The following CAMK4 variants were observed in gnomAD, a reference collection of about 807,000 sequenced individuals.
CAMK4 encodes the protein calcium/calmodulin-dependent protein kinase type IV.
CAMK4 carries 22 observed loss-of-function variants against 44.9 expected under a neutral mutation model. The observed-to-expected ratio is 0.49, with a 90% CI of 0.35 to 0.70. The LOEUF (loss-of-function observed/expected upper bound fraction) is 0.70. Ranked by LOEUF, CAMK4 falls within the 30% of genes least tolerant of loss-of-function variation. The pLI, the probability that CAMK4 is intolerant of heterozygous loss-of-function variation, is 0.01. For synonymous variants in CAMK4, 218 were observed against 215.4 expected (o/e 1.01, Z -0.11); for missense variants, 498 against 586.8 (o/e 0.85, Z 1.56).
At chr5:111,257,190 A>T (rs768583514) in intron 1 of CAMK4, among the ~76,000 whole-genome samples, 1 of 152,222 alleles carries the variant, frequency 6.6e-6, no homozygotes, top group Non-Finnish European at 1.5e-5. Flanking sequence ...ACAGCAAAAG[A>T]ATCTGTTATC....
intron 5 of CAMK4, among the ~76,000 whole-genome samples, chr5:111,444,254 G>T (rs6862661): frequency 0.41 from 62,596 of 152,028 alleles, 13,876 homozygotes; most frequent in Middle Eastern, 0.57. Context: ...GCCTCTTTGT[G>T]CCTCAGTTTC....
At chr5:111,271,420 G>A (rs1039026271) in intron 1 of CAMK4, among the ~76,000 whole-genome samples, 1 of 152,214 alleles carries the variant, frequency 6.6e-6, no homozygotes, top group Admixed American at 6.5e-5. Context: ...AACATGGTGC[G>A]CTTCAAGGCA....
At chr5:111,399,726 A>C (rs901796853) in intron 5 of CAMK4, among the ~76,000 whole-genome samples, 5 of 152,176 alleles carry the variant, frequency 3.3e-5, no homozygotes, top group Non-Finnish European at 7.4e-5. Context: ...TACTTTTGTG[A>C]ATGAGATTCT....
chr5:111,312,890 C>T (rs73786891), intron 1 of CAMK4, among the ~76,000 whole-genome samples: 5 of 152,188 alleles, frequency 3.3e-5, no homozygotes, highest in South Asian at 2.1e-4. Flanking sequence ...CGTTTTAATG[C>T]GGCCCTCCTT....
At chr5:111,469,855 A>G (rs552419772) in intron 7 of CAMK4, among the ~76,000 whole-genome samples, 2 of 152,372 alleles carry the variant, frequency 1.3e-5, no homozygotes, top group African/African-American at 4.8e-5. Flanking sequence ...ACTCAAAGTT[A>G]ACTTGGAAAT....
chr5:111,235,349 A>G (rs1233937647), intron 1 of CAMK4, among the ~76,000 whole-genome samples: 2 of 152,146 alleles, frequency 1.3e-5, no homozygotes, highest in Non-Finnish European at 2.9e-5. Flanking sequence ...TATGCTATTA[A>G]ATGTGACCAA....
At chr5:111,226,021 A>G (rs1221320220) in intron 1 of CAMK4, among the ~76,000 whole-genome samples, 2 of 152,224 alleles carry the variant, frequency 1.3e-5, no homozygotes, top group Non-Finnish European at 2.9e-5. Flanking sequence ...GATGCGTGAC[A>G]GTGGAACCAT....
chr5:111,447,477 A>T (rs955227375), intron 6 of CAMK4, among the ~76,000 whole-genome samples: 2 of 152,224 alleles, frequency 1.3e-5, no homozygotes, highest in African/African-American at 4.8e-5. Flanking sequence ...AATTTTTACC[A>T]ATAAGCATTT....
chr5:111,312,527 C>G (rs1748251034), intron 1 of CAMK4, among the ~76,000 whole-genome samples: 1 of 152,088 alleles, frequency 6.6e-6, no homozygotes, highest in South Asian at 2.1e-4. Flanking sequence ...TGAATTTGTT[C>G]ATGTTTTTTA....
At chr5:111,272,446 G>A (rs1253185435) in intron 1 of CAMK4, among the ~76,000 whole-genome samples, 1 of 152,022 alleles carries the variant, frequency 6.6e-6, no homozygotes, top group Non-Finnish European at 1.5e-5. Context: ...TAAGTGGCAG[G>A]AACCTAGATT....
At chr5:111,268,691 T>G (rs184902708) in intron 1 of CAMK4, among the ~76,000 whole-genome samples, 2 of 152,322 alleles carry the variant, frequency 1.3e-5, no homozygotes, top group Non-Finnish European at 2.9e-5. Context: ...ATATTTATGA[T>G]GTAATATAAT....
chr5:111,431,206 A>G (rs1166311090), intron 5 of CAMK4, among the ~76,000 whole-genome samples: 1 of 152,172 alleles, frequency 6.6e-6, no homozygotes. Flanking sequence ...AAACAAATCT[A>G]TACACCTACA....
intron 1 of CAMK4, among the ~76,000 whole-genome samples, chr5:111,296,096 C>T (rs780976555): frequency 6.6e-6 from 1 of 152,198 alleles, no homozygotes; most frequent in African/African-American, 2.4e-5. Context: ...TAATAGCCCA[C>T]ATACTTTCTT....
intron 1 of CAMK4, among the ~76,000 whole-genome samples, chr5:111,336,210 T>C (rs1749395309): frequency 1.3e-5 from 2 of 151,340 alleles, no homozygotes; most frequent in East Asian, 3.9e-4. Flanking sequence ...TTCAGTTGAA[T>C]GACTCCATAA....
rs1278500936 is a variant in CAMK4, at chr5:111,394,581, A to G, written c.387-129A>G. On this transcript the variant is annotated intron_variant, in intron 4 of 10. Coordinates refer to ENST00000282356, the MANE Select transcript of CAMK4 (RefSeq NM_001744.6). ...GTGTCAGTTTGTGGAAATCTTTCCC[A>G]TGGTAGTATGGTAGCTTGTTTCAAT... 11 of 587,256 alleles carry G rather than the reference A, an allele frequency of 1.9e-5. No homozygotes were observed. In the Middle Eastern group the frequency reaches 8.2e-4, roughly 44 times the overall value. The allele number at this position is 587,256 out of a possible 1,614,324, so 36.4% of individuals were successfully genotyped here. A position where few individuals can be genotyped will look rare whatever the true frequency, so the allele number is the denominator to read the frequency against.
intron 7 of CAMK4, among the ~76,000 whole-genome samples, chr5:111,469,777 G>A (rs1263222404): frequency 1.3e-5 from 2 of 152,166 alleles, no homozygotes; most frequent in Non-Finnish European, 2.9e-5. Context: ...GCTTGTTCTT[G>A]TCCTCTCTTC....
intron 5 of CAMK4, among the ~76,000 whole-genome samples, chr5:111,423,970 A>T (rs1489466433): frequency 6.6e-6 from 1 of 152,240 alleles, no homozygotes; most frequent in African/African-American, 2.4e-5. Context: ...CAAGACTCAG[A>T]GAGGTTAAGT....
At position 111,484,173 on chromosome 5, in the gene CAMK4, A is replaced by T; in HGVS notation, c.1129A>T (p.Lys377Ter). 1 of 1,614,212 alleles carries T rather than the reference A, an allele frequency of 6.2e-7. No homozygotes were observed. Among genetic ancestry groups the T allele is most frequent in the Non-Finnish European group, 8.5e-7 (1 of 1,180,012 alleles). The change falls in exon 11 of 11, where the codon AAA becomes TAA. Residue 377 changes from lysine (K) to a stop codon, truncating the protein, a stop_gained. Coordinates refer to ENST00000282356, the MANE Select transcript of CAMK4 (RefSeq NM_001744.6). LOFTEE classifies it low-confidence loss of function (END_TRUNC). This position sits in a 1 kb window ranked among gnomAD's most constrained non-coding sequence, Gnocchi z 5.3. Reference protein sequence around the residue: ...EDMKAIPEGEKIQGDGAQAAV... With the variant: ...EDMKAIPEGE ...CATGAAAGCTATTCCAGAAGGAGAG[A>T]AAATTCAAGGCGATGGGGCCCAAGC...
chr5:111,478,700 C>T (rs1273901198), intron 9 of CAMK4, among the ~76,000 whole-genome samples, 193 bp downstream of exon 9: 1 of 152,068 alleles, frequency 6.6e-6, no homozygotes, highest in East Asian at 1.9e-4. Context: ...TTTGACTCAT[C>T]ACTAGTTGAA....
Sources: gnomAD v4.1 joint callset for allele counts (sites outside exome capture counted in the v4.1 genomes callset) on GRCh38, gnomAD v4.1.1 for gene constraint, Gnocchi (gnomAD v3.1) non-coding constraint, MANE v1.5 for transcripts, NCBI Gene and HGNC (gene_info 2026-07-23, HGNC 2026-07-21) for gene names.